ACTR3C: variants seen among roughly 807,000 people sequenced by gnomAD.
ACTR3C encodes actin-related protein 3C.
Under a neutral mutation model 26.3 loss-of-function variants are expected in ACTR3C, and 18 were observed. That is an observed-to-expected ratio of 0.68 (90% CI 0.47 to 1.01). ACTR3C has a LOEUF of 1.01. Among genes scored for constraint, ACTR3C ranks in the 50% least tolerant of loss-of-function variants. The pLI, the probability that ACTR3C is intolerant of heterozygous loss-of-function variation, is 0.00. For synonymous variants in ACTR3C, 55 were observed against 94.5 expected (o/e 0.58, Z 2.42); for missense variants, 184 against 250.7 (o/e 0.73, Z 1.80).
At chr7:150,078,363 T>C in the ACTR3C span, among the ~76,000 whole-genome samples, 1 of 147,416 alleles carries the variant, frequency 6.8e-6, no homozygotes, top group African/African-American at 2.5e-5. Context: ...CAAAATATTT[T>C]TCCAAAGAAA....
chr7:150,036,259 G>T, the ACTR3C span, among the ~76,000 whole-genome samples: 2 of 147,444 alleles, frequency 1.4e-5, no homozygotes, highest in Non-Finnish European at 3.1e-5. Context: ...TTTTGCCCAA[G>T]AATCAGCTTA....
At chr7:150,315,739 A>C (rs1796800891) in intron 1 of ACTR3C, among the ~76,000 whole-genome samples, 1 of 152,218 alleles carries the variant, frequency 6.6e-6, no homozygotes, top group African/African-American at 2.4e-5. Flanking sequence ...AGCATGTAGA[A>C]GTAAACATAC....
chr7:149,930,232 T>C, the ACTR3C span, among the ~76,000 whole-genome samples: 1 of 152,230 alleles, frequency 6.6e-6, no homozygotes, highest in Non-Finnish European at 1.5e-5. Flanking sequence ...AGGATACTAC[T>C]GTATGTATGT....
At chr7:150,210,401 A>G in the ACTR3C span, among the ~76,000 whole-genome samples, 3 of 150,738 alleles carry the variant, frequency 2.0e-5, no homozygotes, top group African/African-American at 7.5e-5. Flanking sequence ...GTGTAAGCAT[A>G]TGTCCATATA....
rs189753634 is a variant in ACTR3C at position 150,286,651 on chromosome 7, G to A, written c.298-111C>T. ...GTAAACACACCCTGGGATCAGAACCGCCCCCACCGTTACTCTAGTGTGGAT... is the reference window on the plus strand; with the variant it reads ...GTAAACACACCCTGGGATCAGAACCACCCCCACCGTTACTCTAGTGTGGAT... On this transcript the variant is annotated intron_variant, in intron 4 of 7. Coordinates refer to ENST00000683684, the MANE Select transcript of ACTR3C (RefSeq NM_001164458.2). 382 of 1,421,406 alleles carry A rather than the reference G, an allele frequency of 2.7e-4. 1 individual carries two copies. In the African/African-American group the frequency reaches 4.6e-3, roughly 17 times the overall value. 88.0% of individuals were successfully genotyped at this position (1,421,406 alleles called of 1,614,324 possible).
At chr7:150,074,047 T>A in the ACTR3C span, 1 of 152,254 alleles carries the variant, frequency 6.6e-6, no homozygotes, top group East Asian at 1.9e-4. Flanking sequence ...AAGGCCAATG[T>A]CTTTCCATGC....
chr7:150,174,790 T>C, the ACTR3C span, among the ~76,000 whole-genome samples: 5 of 148,374 alleles, frequency 3.4e-5, no homozygotes, highest in Non-Finnish European at 7.4e-5. Context: ...AATGGTGAAT[T>C]TCCCTAAGCA....
chr7:150,041,753 G>A, the ACTR3C span, among the ~76,000 whole-genome samples: 3 of 122,874 alleles, frequency 2.4e-5, no homozygotes, highest in Non-Finnish European at 3.6e-5. Flanking sequence ...AAGAGCCAGG[G>A]GGGGGAAGAG....
chr7:149,907,477 C>T, the ACTR3C span, among the ~76,000 whole-genome samples: 1 of 82,264 alleles, frequency 1.2e-5, no homozygotes, highest in Non-Finnish European at 2.3e-5. Flanking sequence ...CCTCTCTTCT[C>T]TTCTCTCTCT....
the ACTR3C span, among the ~76,000 whole-genome samples, chr7:149,957,168 G>C: frequency 3.3e-5 from 5 of 152,038 alleles, no homozygotes; most frequent in African/African-American, 1.2e-4. Flanking sequence ...CAACTGATGG[G>C]GTAAAAAGTA....
At chr7:150,012,571 T>TC in the ACTR3C span, among the ~76,000 whole-genome samples, 4 of 150,548 alleles carry the variant, frequency 2.7e-5, no homozygotes, top group Non-Finnish European at 4.4e-5. Flanking sequence ...CGCCTCGGCC[T>TC]CCCAAAGTGC....
chr7:150,225,525 A>G, the ACTR3C span, among the ~76,000 whole-genome samples: 1 of 152,226 alleles, frequency 6.6e-6, no homozygotes, highest in East Asian at 1.9e-4. Flanking sequence ...GTGGTATCAG[A>G]ACGTTTAACC....
the ACTR3C span, among the ~76,000 whole-genome samples, chr7:150,221,274 T>TC: frequency 4.0e-5 from 6 of 150,918 alleles, no homozygotes; most frequent in Admixed American, 1.3e-4. Context: ...AAGAGTTTTT[T>TC]TTTCTTTCTT....
chr7:150,110,993 C>T, the ACTR3C span, among the ~76,000 whole-genome samples: 2 of 151,248 alleles, frequency 1.3e-5, no homozygotes, highest in African/African-American at 4.9e-5. Flanking sequence ...ATTGGACATG[C>T]TGTCCCTATC....
chr7:150,039,034 C>A, the ACTR3C span, among the ~76,000 whole-genome samples: 1 of 130,376 alleles, frequency 7.7e-6, no homozygotes, highest in Non-Finnish European at 1.7e-5. Context: ...TCTCAGTAAT[C>A]CCACGTAAGG....
chr7:149,906,526 G>A, the ACTR3C span, among the ~76,000 whole-genome samples: 5 of 145,296 alleles, frequency 3.4e-5, no homozygotes, highest in Non-Finnish European at 7.4e-5. Flanking sequence ...CCACCTCCCG[G>A]ATTCAAGTGA....
rs761512965 is a variant in ACTR3C at position 150,295,330 on chromosome 7, A to G, written c.-34T>C. The stretch of plus-strand genomic sequence containing the variant: ...CAAGATACTCTCTGTTTTCTGGTGT[A>G]TTGAGTGGAGGTTCTGTCTGTAAGA... On this transcript the variant is annotated 5_prime_UTR_variant, in exon 2 of 8. Transcript: ENST00000683684. 2 of 1,613,746 alleles carry G rather than the reference A, an allele frequency of 1.2e-6. No homozygotes were observed. The highest frequency in any genetic ancestry group is 2.7e-5 in the African/African-American group (2 of 74,938).
At chr7:149,891,590 C>T in the ACTR3C span, among the ~76,000 whole-genome samples, 6 of 151,510 alleles carry the variant, frequency 4.0e-5, no homozygotes, top group East Asian at 2.0e-4. Context: ...TTTGGGAGGC[C>T]AAGGCAGGAG....
chr7:150,205,796 TAATTCAGAAG>T, the ACTR3C span, among the ~76,000 whole-genome samples: 10 of 151,736 alleles, frequency 6.6e-5, no homozygotes, highest in African/African-American at 1.7e-4. Context: ...ACTTAGAAAA[TAATTCAGAAG>T]AATTCAGAAG....
Sources: allele counts gnomAD v4.1 joint callset (sites outside exome capture counted in the v4.1 genomes callset), GRCh38; gene constraint gnomAD v4.1.1; transcripts MANE v1.5; gene names NCBI Gene and HGNC (gene_info 2026-07-23, HGNC 2026-07-21).